CACNA1F: variants seen among roughly 807,000 people sequenced by gnomAD.
CACNA1F encodes calcium voltage-gated channel subunit alpha1 F.
Under a neutral mutation model 143.8 loss-of-function variants are expected in CACNA1F, and 59 were observed. The ratio of observed to expected loss-of-function variants is 0.41; its 90% confidence interval spans 0.33 to 0.51. The LOEUF (loss-of-function observed/expected upper bound fraction) is 0.51, where lower values mean the gene tolerates loss of function less well. CACNA1F is among the 20% of genes least tolerant of loss of function. The pLI, the probability that CACNA1F is intolerant of heterozygous loss-of-function variation, is 0.22. For missense variants in CACNA1F, 1,411 were observed against 1,647.5 expected, an observed-to-expected ratio of 0.86 and a Z score of 2.48; for synonymous variants, 643 against 649.1, an observed-to-expected ratio of 0.99 and a Z score of 0.14.
At chrX:49,222,402 G>C in intron 17 of CACNA1F, 120 bp downstream of exon 17, 1 of 551,134 alleles carries the variant, frequency 1.8e-6, no homozygotes. Context: ...CTGGCAGATG[G>C]TATCTGGAGA....
chrX:49,212,571 A>G, intron 33 of CACNA1F, 96 bp downstream of exon 33: 1 of 920,392 alleles, frequency 1.1e-6, no homozygotes, highest in East Asian at 3.2e-5. Context: ...TGGGTATGGC[A>G]TGTTGGGAGA....
At chrX:49,210,810 G>A in intron 37 of CACNA1F, 124 bp from the exon 38 acceptor site, 1 of 848,428 alleles carries the variant, frequency 1.2e-6, no homozygotes, top group Non-Finnish European at 1.7e-6. Flanking sequence ...AAGAACTGGA[G>A]GGCAGTCAGA....
chrX:49,208,807 T>C, intron 42 of CACNA1F, 123 bp from the exon 43 acceptor site: 1 of 562,269 alleles, frequency 1.8e-6, no homozygotes, highest in Non-Finnish European at 3.1e-6. Flanking sequence ...ATGGTAAATG[T>C]CAAATAAATA....
At chrX:49,227,406 C>T (rs1278562548) in intron 8 of CACNA1F, among the ~76,000 whole-genome samples, 1 of 111,814 alleles carries the variant, frequency 8.9e-6, no homozygotes, top group African/African-American at 3.3e-5. Flanking sequence ...CTCACCGCAG[C>T]CTCGACCTCC....
chrX:49,206,852 A>G lies in CACNA1F; in HGVS notation c.5235T>C (p.Leu1745=). 8.3e-7 allele frequency: 1 copy of G among 1,203,369 alleles called. No homozygotes were observed. The highest frequency in any genetic ancestry group is 1.1e-6 in the Non-Finnish European group (1 of 890,394). ...QDEDEEVPDR[L]SYLDEQAGTP... is the part of the protein sequence containing the mutation. ...TCCCTGCCTGCTCATCTAGGTAGGA[A>G]AGCCTGTGTGGGTGGGAGGGCCAGG... Residue 1745 remains leucine, a synonymous_variant, in exon 45 of 48, where the codon CTT becomes CTC. Transcript: ENST00000323022.
At chrX:49,221,568 T>C (rs2065775281) in intron 17 of CACNA1F, among the ~76,000 whole-genome samples, 1 of 108,827 alleles carries the variant, frequency 9.2e-6, no homozygotes, top group African/African-American at 3.3e-5. Context: ...TTTCACCATA[T>C]TGGCCAGGCT....
In CACNA1F at chrX:49,221,050, C is replaced by T. The variant is rs2065770444; in HGVS notation, c.2319G>A (p.Gln773=). The change falls in exon 18 of 48, where the codon CAG becomes CAA. Residue 773 remains glutamine (Q), a synonymous_variant. Transcript: ENST00000323022. The part of the protein sequence containing the change: ...GEKSNEKDLP[Q]ENEGLVPGVE... ...TCTAACTCACCAGGCCTTCATTCTC[C>T]TGTGGGAGATCCTTCTCATTGCTCT... 8.3e-7 allele frequency: 1 copy of T among 1,210,025 alleles called. No homozygotes were observed. Among genetic ancestry groups the T allele is most frequent in the South Asian group, 1.8e-5 (1 of 56,841 alleles).
At chrX:49,213,687 A>G in intron 31 of CACNA1F, 132 bp downstream of exon 31, 1 of 554,100 alleles carries the variant, frequency 1.8e-6, no homozygotes, top group Non-Finnish European at 3.3e-6. Flanking sequence ...TAGAGCTAGA[A>G]TGAGGACTGA....
Position 49,205,152 on chromosome X carries a change from G to A in CACNA1F, c.5886C>T (p.Cys1962=), listed in dbSNP as rs781900572. Residue 1962 remains cysteine (C), a synonymous_variant, in exon 48 of 48, where the codon TGC becomes TGT. Coordinates refer to ENST00000323022, the MANE Select transcript of CACNA1F (RefSeq NM_001256789.3). ...GGGTGGGAATTCAGAGGGCGTGGAC[G>A]CAGGCCATCTCGTCTCCCAAGTCCT... ...DEEDLGDEMA[C]VHAL 6 of 1,204,572 alleles carry A rather than the reference G, an allele frequency of 5.0e-6. No homozygotes were observed. Among genetic ancestry groups the A allele is most frequent in the South Asian group, 1.8e-5 (1 of 56,667 alleles).
At position 49,231,767 on chromosome X, in the gene CACNA1F, C is replaced by A; in HGVS notation, c.186G>T (p.Val62=). ...CCCGAGGTGACCGCTGGGCACTGGC[C>A]ACTGCCACTGTCTTGTGCTTGCTGT... ...NQHSKHKTVA[V]ASAQRSPRAL... Residue 62 remains valine (V), a synonymous_variant, in exon 2 of 48, where the codon GTG becomes GTT. Transcript: ENST00000323022. The A allele has an allele frequency of 8.3e-7, 1 of 1,211,764 alleles. No homozygotes were observed. Among genetic ancestry groups the A allele is most frequent in the South Asian group, 1.8e-5 (1 of 57,018 alleles).
chrX:49,220,446 C>G (rs368507431), intron 19 of CACNA1F, 27 bp downstream of exon 19: 5 of 1,177,453 alleles, frequency 4.2e-6, no homozygotes, highest in Non-Finnish European at 5.8e-6. Flanking sequence ...GGTCCCACAC[C>G]TGCTCCACCT....
At position 49,230,858 on chromosome X, in the gene CACNA1F, G is replaced by T. The variant is rs2065870794; in HGVS notation, c.513C>A (p.Val171=). 1.7e-6 allele frequency: 2 copies of T among 1,179,832 alleles called. No individual in the cohort carries two copies. The highest frequency in any genetic ancestry group is 1.9e-5 in the South Asian group (1 of 53,414). ...NGWNLLDFII[V]VVGLFSVLLE... ...CTCCCGCAGACGCGCACCCGACCAC[G>T]ACGATGATGAAGTCGAGTAGGTTCC... The change falls in exon 4 of 48, where the codon GTC becomes GTA. Residue 171 remains valine (V), a synonymous_variant. Coordinates refer to ENST00000323022, the MANE Select transcript of CACNA1F (RefSeq NM_001256789.3).
chrX:49,213,796 T>A (rs1557106769), intron 31 of CACNA1F, 23 bp downstream of exon 31: 1 of 1,086,483 alleles, frequency 9.2e-7, no homozygotes, highest in Non-Finnish European at 1.3e-6. Context: ...CGAGAGTGGA[T>A]TAGTGGAAAG....
At chrX:49,226,357 AGTCAGG>A in intron 11 of CACNA1F, 46 bp downstream of exon 11, 1 of 1,146,296 alleles carries the variant, frequency 8.7e-7, no homozygotes, top group Non-Finnish European at 1.2e-6. Context: ...AAAGGACTTG[AGTCAGG>A]GTTTGGACTG....
At chrX:49,223,440 TA>T (rs1156999306) in intron 14 of CACNA1F, among the ~76,000 whole-genome samples, 1 of 104,583 alleles carries the variant, frequency 9.6e-6, no homozygotes, top group Non-Finnish European at 2.0e-5. Context: ...CCGTCTCTAC[TA>T]AAAAAAAATT....
At chrX:49,223,824 C>T (rs2065798309) in intron 14 of CACNA1F, among the ~76,000 whole-genome samples, 1 of 104,344 alleles carries the variant, frequency 9.6e-6, no homozygotes, top group Non-Finnish European at 2.0e-5. Flanking sequence ...CTCCACCTTC[C>T]AGGTTCAAGC....
At chrX:49,225,884 G>A in intron 13 of CACNA1F, 25 bp downstream of exon 13, 1 of 1,162,592 alleles carries the variant, frequency 8.6e-7, no homozygotes, top group Non-Finnish European at 1.2e-6. Flanking sequence ...GGCTGGGGGA[G>A]ACGACTAGCA....
At chrX:49,226,936 C>G in intron 9 of CACNA1F, 34 bp downstream of exon 9, 2 of 1,210,509 alleles carry the variant, frequency 1.7e-6, no homozygotes, top group Non-Finnish European at 2.2e-6. Flanking sequence ...GAGTTGCCTA[C>G]GATGGCCCGC....
Position 49,219,733 on chromosome X carries a change from C to T in CACNA1F, c.2444G>A (p.Gly815Asp). ...CTGCAGGAGTTCCACACCCCCTGCA[C>T]CCTCTTCCTCTTCTTCCTCTTCTTC... ...EEEEEEEEEE[G>D]AGGVELLQEV... Residue 815 changes from glycine (G) to aspartate (D), a missense_variant, in exon 20 of 48, where the codon GGT (glycine) becomes GAT (aspartate). This residue lies in a region of CACNA1F where 950 missense variants were observed against 1,128.1 expected (regional missense o/e 0.84). Transcript: ENST00000323022. 2 of 1,182,625 alleles carry T rather than the reference C, an allele frequency of 1.7e-6. No homozygotes were observed. The highest frequency in any genetic ancestry group is 4.6e-4 in the Middle Eastern group (2 of 4,318).
Sources: allele counts gnomAD v4.1 joint callset (sites outside exome capture counted in the v4.1 genomes callset), GRCh38; gene constraint gnomAD v4.1.1; regional missense constraint gnomAD v4.1.1; transcripts MANE v1.5; gene names NCBI Gene and HGNC (gene_info 2026-07-23, HGNC 2026-07-21).